The following RBM26 variants were observed in gnomAD, a reference collection of about 807,000 sequenced individuals.
The protein encoded by RBM26 is RNA-binding protein 26.
RBM26 carries 30 observed loss-of-function variants against 123.6 expected under a neutral mutation model. The observed-to-expected ratio is 0.24, with a 90% CI of 0.18 to 0.33. The LOEUF (loss-of-function observed/expected upper bound fraction) is 0.33, where lower values mean the gene tolerates loss of function less well. Ranked by LOEUF, RBM26 falls within the 10% of genes least tolerant of loss-of-function variation. The pLI is 1.00. For missense variants in RBM26, 947 were observed against 1,203.6 expected (o/e 0.79, Z 3.15); for synonymous variants, 400 against 404.4 (o/e 0.99, Z 0.13).
At chr13:79,404,937 C>T (rs952468216) in intron 1 of RBM26, among the ~76,000 whole-genome samples, 14 of 152,098 alleles carry the variant, frequency 9.2e-5, no homozygotes, top group African/African-American at 3.1e-4. Context: ...GTGAATTTTC[C>T]CCATTGCATT....
chr13:79,385,740 CAGA>C (rs1192781349), intron 1 of RBM26, among the ~76,000 whole-genome samples: 1 of 152,018 alleles, frequency 6.6e-6, no homozygotes. Context: ...TTTGAGTAAT[CAGA>C]AGAAGAATTT....
chr13:79,378,274 A>C (rs2076809861), intron 2 of RBM26, among the ~76,000 whole-genome samples: 2 of 152,228 alleles, frequency 1.3e-5, no homozygotes, highest in Admixed American at 6.5e-5. Flanking sequence ...GTAAGAAAAA[A>C]TATCAACATG....
chr13:79,332,327 T>G (rs2138780805), intron 20 of RBM26, among the ~76,000 whole-genome samples: 1 of 152,290 alleles, frequency 6.6e-6, no homozygotes, highest in Admixed American at 6.5e-5. Flanking sequence ...TAAAGTATTC[T>G]TCCCTGGCAA....
At chr13:79,356,767 G>A (rs2074071086) in intron 11 of RBM26, among the ~76,000 whole-genome samples, 1 of 152,088 alleles carries the variant, frequency 6.6e-6, no homozygotes, top group Non-Finnish European at 1.5e-5. Context: ...GTAGTACACA[G>A]ACATGGCAAA....
rs995116074 is a variant in RBM26, at chr13:79,365,934, C to A, written c.1276+121G>T. Reference sequence around the variant, plus strand: ...TGAGGGCTTATTTAATGTTCATTCACCACGGCTACATAATTTTAGTGAGAA... The same window carrying A: ...TGAGGGCTTATTTAATGTTCATTCAACACGGCTACATAATTTTAGTGAGAA... On this transcript the variant is annotated intron_variant, in intron 8 of 21. Transcript: ENST00000438737. 23 of 1,053,460 alleles carry A rather than the reference C, an allele frequency of 2.2e-5. No individual in the cohort carries two copies. In the Admixed American group the frequency reaches 4.2e-4, roughly 19 times the overall value. The allele number at this position is 1,053,460 out of a possible 1,614,324, so 65.3% of individuals were successfully genotyped here.
intron 1 of RBM26, among the ~76,000 whole-genome samples, chr13:79,380,776 C>T (rs2077013630): frequency 6.6e-6 from 1 of 152,040 alleles, no homozygotes; most frequent in Non-Finnish European, 1.5e-5. Flanking sequence ...TCCCTATCTC[C>T]CTACCACCCT....
intron 1 of RBM26, among the ~76,000 whole-genome samples, chr13:79,397,214 G>A (rs995154266): frequency 6.6e-6 from 1 of 151,946 alleles, no homozygotes; most frequent in East Asian, 1.9e-4. Context: ...AGTTAGCCAA[G>A]TTAACAATAA....
chr13:79,317,517 T>A (rs2067265057), downstream of RBM26, among the ~76,000 whole-genome samples: 1 of 151,650 alleles, frequency 6.6e-6, no homozygotes, highest in Non-Finnish European at 1.5e-5. Context: ...AAATATCATA[T>A]AAACCTTGTC....
intron 13 of RBM26, among the ~76,000 whole-genome samples, chr13:79,354,125 C>A (rs1282199552): frequency 6.6e-6 from 1 of 152,048 alleles, no homozygotes; most frequent in African/African-American, 2.4e-5. Context: ...ATTTAATGTA[C>A]TCAACTTCAC....
At chr13:79,314,306 T>C (rs1325053121), downstream of RBM26, 4 of 151,788 alleles carry the variant, frequency 2.6e-5, no homozygotes, top group African/African-American at 4.8e-5. Context: ...TTAAGACATA[T>C]AATTTTTAAA....
intron 4 of RBM26, 108 bp from the exon 5 acceptor site, chr13:79,371,270 C>T: frequency 1.2e-6 from 1 of 867,274 alleles, no homozygotes. Flanking sequence ...ACTTTCTATC[C>T]TACCATCAGA....
At chr13:79,350,196 T>C (rs1037026745) in intron 14 of RBM26, among the ~76,000 whole-genome samples, 1 of 152,210 alleles carries the variant, frequency 6.6e-6, no homozygotes, top group African/African-American at 2.4e-5. Context: ...TAGATGTTAA[T>C]ATATCATCAT....
At chr13:79,334,535 A>G in intron 19 of RBM26, 105 bp from the exon 20 acceptor site, 1 of 547,842 alleles carries the variant, frequency 1.8e-6, no homozygotes, top group Non-Finnish European at 3.2e-6. Flanking sequence ...ATAACCCAGA[A>G]TACATAACAA....
intron 14 of RBM26, among the ~76,000 whole-genome samples, chr13:79,345,106 C>T (rs1420818369): frequency 2.0e-5 from 3 of 152,182 alleles, no homozygotes; most frequent in Non-Finnish European, 2.9e-5. Context: ...TTGTTGAATA[C>T]ATTTACTAAT....
chr13:79,323,377 AAC>A (rs1221235963), intron 20 of RBM26, among the ~76,000 whole-genome samples: 1 of 151,598 alleles, frequency 6.6e-6, no homozygotes, highest in Non-Finnish European at 1.5e-5. Flanking sequence ...ATAAATTTTA[AAC>A]CTGCACATAT....
At chr13:79,337,008 T>C (rs2070526898) in intron 19 of RBM26, 94 bp downstream of exon 19, 1 of 1,177,352 alleles carries the variant, frequency 8.5e-7, no homozygotes. Context: ...GAGTTGAAAT[T>C]ACTTATGTCC....
chr13:79,320,478 TTTC>T lies in RBM26; in HGVS notation c.*140_*142del, dbSNP rs1261538066. ...TCAAAATACAAGATCAGAAGGTAGT[TTTC>T]TTCTTTTTTGTCTATTTGTGAAATC... On this transcript the variant is annotated 3_prime_UTR_variant, in exon 22 of 22. Coordinates refer to ENST00000438737, the MANE Select transcript of RBM26 (RefSeq NM_001366735.2). The T allele has an allele frequency of 1.2e-5, 15 of 1,263,994 alleles. No individual in the cohort carries two copies. The highest frequency in any genetic ancestry group is 3.1e-5 in the East Asian group (1 of 32,596). The allele number at this position is 1,263,994 out of a possible 1,614,324, so 78.3% of individuals were successfully genotyped here.
chr13:79,375,808 T>C (rs1461351180), intron 3 of RBM26, among the ~76,000 whole-genome samples: 1 of 151,692 alleles, frequency 6.6e-6, no homozygotes, highest in East Asian at 1.9e-4. Context: ...TTTTATTGCA[T>C]AATAAAATGT....
Position 79,320,056 on chromosome 13 carries a change from T to A in RBM26, c.*565A>T. 1 of 976,842 alleles carries A rather than the reference T, an allele frequency of 1.0e-6. No homozygotes were observed. The highest frequency in any genetic ancestry group is 1.2e-6 in the Non-Finnish European group (1 of 824,656). The allele number at this position is 976,842 out of a possible 1,614,324, so 60.5% of individuals were successfully genotyped here. On this transcript the variant is annotated 3_prime_UTR_variant, in exon 22 of 22. Coordinates refer to ENST00000438737, the MANE Select transcript of RBM26 (RefSeq NM_001366735.2). ...TAACATCTGGATGCATAAGGACTCATGTAAAGCAGTCATACACCATTATCA... is the reference window on the plus strand; with the variant it reads ...TAACATCTGGATGCATAAGGACTCAAGTAAAGCAGTCATACACCATTATCA...
Sources: allele counts gnomAD v4.1 joint callset (sites outside exome capture counted in the v4.1 genomes callset), GRCh38; gene constraint gnomAD v4.1.1; transcripts MANE v1.5; gene names NCBI Gene and HGNC (gene_info 2026-07-23, HGNC 2026-07-21).